RPTOR: variants seen among roughly 807,000 people sequenced by gnomAD.
RPTOR encodes the protein regulatory associated protein of MTOR complex 1.
RPTOR carries 21 observed loss-of-function variants against 169.9 expected under a neutral mutation model. That is an observed-to-expected ratio of 0.12 (90% CI 0.09 to 0.18). The LOEUF (loss-of-function observed/expected upper bound fraction) is 0.18, where lower values mean the gene tolerates loss of function less well. RPTOR is among the 10% of genes least tolerant of loss of function. RPTOR has a pLI of 1.00. For missense variants in RPTOR, 1,133 were observed against 1,855.9 expected, an observed-to-expected ratio of 0.61 and a Z score of 7.16; for synonymous variants, 732 against 753.2, an observed-to-expected ratio of 0.97 and a Z score of 0.46.
In RPTOR at chr17:80,662,893, A is replaced by G. The variant is rs139984451; in HGVS notation, c.348+19083A>G. Among the ~76,000 whole-genome samples, 512 of 152,260 alleles carry G rather than the reference A, an allele frequency of 3.4e-3. 2 individuals are homozygous for G. The highest frequency in any genetic ancestry group is 5.0e-3 in the Non-Finnish European group (340 of 68,016). The stretch of plus-strand genomic sequence containing the variant: ...GTTATCATCCTTGCTTTAAAGTTCA[A>G]CTGCAAACTAAATTCCTCCCATGGT... On this transcript the variant is annotated intron_variant, in intron 3 of 33. Transcript: ENST00000306801.
At chr17:80,806,088 CATT>C (rs2067215949) in intron 7 of RPTOR, among the ~76,000 whole-genome samples, 1 of 152,076 alleles carries the variant, frequency 6.6e-6, no homozygotes, top group African/African-American at 2.4e-5. Context: ...TTTTAAAAAT[CATT>C]AAAAAACAAG....
At chr17:80,680,441 C>G (rs1471027220) in intron 3 of RPTOR, among the ~76,000 whole-genome samples, 1 of 152,146 alleles carries the variant, frequency 6.6e-6, no homozygotes, top group Non-Finnish European at 1.5e-5. Flanking sequence ...CAAGACCAGC[C>G]TGGCCAAGAT....
At chr17:80,806,291 G>A (rs1480283022) in intron 7 of RPTOR, among the ~76,000 whole-genome samples, 3 of 152,286 alleles carry the variant, frequency 2.0e-5, no homozygotes, top group African/African-American at 4.8e-5. Context: ...TTCAAGTCAT[G>A]GTTGATTAGT....
chr17:80,734,794 G>A (rs1446432896), intron 5 of RPTOR, among the ~76,000 whole-genome samples: 1 of 152,106 alleles, frequency 6.6e-6, no homozygotes, highest in East Asian at 1.9e-4. Context: ...ACTAACTGTG[G>A]CTCCAAGACA....
At chr17:80,822,899 G>A (rs551303974) in intron 8 of RPTOR, among the ~76,000 whole-genome samples, 180 bp from the exon 9 acceptor site, 161 of 141,508 alleles carry the variant, frequency 1.1e-3, no homozygotes, top group Non-Finnish European at 2.3e-3. Context: ...ATTTGTGCAC[G>A]TGTGTGTATG....
intron 5 of RPTOR, among the ~76,000 whole-genome samples, chr17:80,737,181 T>C (rs995285163): frequency 4.6e-5 from 7 of 152,226 alleles, no homozygotes; most frequent in African/African-American, 1.7e-4. Context: ...GTGGTGATTT[T>C]ATTGTTTGTC....
intron 8 of RPTOR, among the ~76,000 whole-genome samples, chr17:80,822,752 TTG>T (rs367679301): frequency 0.031 from 4,760 of 151,626 alleles, 264 homozygotes; most frequent in African/African-American, 0.11. Flanking sequence ...ATATGCATAT[TTG>T]TGTGTGTGTA....
chr17:80,766,875 A>C (rs535142021), intron 6 of RPTOR, among the ~76,000 whole-genome samples: 14 of 152,370 alleles, frequency 9.2e-5, no homozygotes, highest in African/African-American at 3.4e-4. Flanking sequence ...AGTAGAAGAA[A>C]AGAAATAATA....
At chr17:80,832,027 G>A in intron 9 of RPTOR, among the ~76,000 whole-genome samples, 1 of 152,248 alleles carries the variant, frequency 6.6e-6, no homozygotes, top group East Asian at 1.9e-4. Flanking sequence ...AGATGAGGAA[G>A]ATGTTGGTGC....
At chr17:80,638,193 C>A (rs2143580758) in intron 2 of RPTOR, among the ~76,000 whole-genome samples, 1 of 152,236 alleles carries the variant, frequency 6.6e-6, no homozygotes, top group African/African-American at 2.4e-5. Flanking sequence ...GAGGCAAGAG[C>A]AAAGAGCTGA....
chr17:80,932,464 G>C (rs2144017027), intron 24 of RPTOR, among the ~76,000 whole-genome samples: 1 of 152,284 alleles, frequency 6.6e-6, no homozygotes, highest in South Asian at 2.1e-4. Flanking sequence ...ATCAGAGATG[G>C]AGTGGAAATA....
intron 20 of RPTOR, among the ~76,000 whole-genome samples, chr17:80,896,213 T>C (rs1351711607): frequency 6.6e-6 from 1 of 152,050 alleles, no homozygotes; most frequent in Non-Finnish European, 1.5e-5. Context: ...TATTTTTTCT[T>C]TATGCCACCC....
rs1353421203 is a variant in RPTOR, at chr17:80,923,491, G to A, written c.2626G>A (p.Gly876Ser). The change falls in exon 23 of 34, where the codon GGC becomes AGC. Residue 876 changes from glycine to serine, a missense_variant and splice_region_variant. Transcript: ENST00000306801. ...TGTTTGTTTTTCTTCCAATGGCAGG[G>A]GCTCCCCTCCGGCGTCCAGCACCAG... Reference protein sequence around the residue: ...NKGVHIHQAGGSPPASSTSSS... With the variant: ...NKGVHIHQAGSSPPASSTSSS... The A allele has an allele frequency of 3.1e-6, 5 of 1,613,560 alleles. No individual in the cohort carries two copies. The highest frequency in any genetic ancestry group is 4.2e-6 in the Non-Finnish European group (5 of 1,179,950).
intron 13 of RPTOR, among the ~76,000 whole-genome samples, chr17:80,877,649 T>C (rs2068136598): frequency 6.6e-6 from 1 of 152,236 alleles, no homozygotes; most frequent in Non-Finnish European, 1.5e-5. Flanking sequence ...GGTGCCTTCA[T>C]TCTCAGAACC....
chr17:80,952,252 C>T (rs971881643), intron 28 of RPTOR, among the ~76,000 whole-genome samples: 2 of 152,210 alleles, frequency 1.3e-5, no homozygotes, highest in Non-Finnish European at 2.9e-5. Flanking sequence ...GGTTTCCCTC[C>T]GCGGTATTAC....
intron 3 of RPTOR, among the ~76,000 whole-genome samples, chr17:80,698,536 G>A (rs1043503839): frequency 1.3e-5 from 2 of 152,210 alleles, no homozygotes; most frequent in South Asian, 2.1e-4. Context: ...AGTGGAAAGA[G>A]CTGGAGTTAC....
intron 3 of RPTOR, among the ~76,000 whole-genome samples, chr17:80,681,633 GAGGTGTACGTCTCTTACAC>G (rs2143707472): frequency 7.2e-6 from 1 of 138,176 alleles, no homozygotes; most frequent in South Asian, 2.5e-4. Context: ...ACACCTTCAT[GAGGTGTACGTCTCTTACAC>G]CTTCATGAGG....
chr17:80,570,202 C>T (rs1485858065), intron 1 of RPTOR, among the ~76,000 whole-genome samples: 4 of 152,094 alleles, frequency 2.6e-5, no homozygotes, highest in African/African-American at 7.2e-5. Flanking sequence ...TTTGTCTTCC[C>T]GCTCAGGGAC....
chr17:80,720,164 G>T (rs2066272924), intron 4 of RPTOR, among the ~76,000 whole-genome samples: 1 of 152,106 alleles, frequency 6.6e-6, no homozygotes. Context: ...CATGCATAGT[G>T]GCGGGCACCT....
Sources: gnomAD v4.1 joint callset for allele counts (sites outside exome capture counted in the v4.1 genomes callset) on GRCh38, gnomAD v4.1.1 for gene constraint, MANE v1.5 for transcripts, NCBI Gene and HGNC (gene_info 2026-07-23, HGNC 2026-07-21) for gene names.